The following FERRY3 variants were observed in gnomAD, a reference collection of about 807,000 sequenced individuals.
The protein encoded by FERRY3 is FERRY endosomal RAB5 effector complex subunit 3.
the FERRY3 span, among the ~76,000 whole-genome samples, chr12:4,503,751 C>T: frequency 6.6e-6 from 1 of 151,998 alleles, no homozygotes; most frequent in African/African-American, 2.4e-5. Flanking sequence ...TAAGGGTCAT[C>T]AGAGTGAATT....
chr12:4,523,445 C>T, the FERRY3 span, among the ~76,000 whole-genome samples: 2 of 152,168 alleles, frequency 1.3e-5, no homozygotes, highest in Non-Finnish European at 2.9e-5. Flanking sequence ...TTTGACCCGG[C>T]CATCCCATTA....
the FERRY3 span, among the ~76,000 whole-genome samples, chr12:4,521,969 T>C: frequency 1.3e-5 from 2 of 152,194 alleles, no homozygotes; most frequent in Non-Finnish European, 2.9e-5. Flanking sequence ...CTACTCTGTA[T>C]GGTACTATAA....
chr12:4,501,888 G>A, the FERRY3 span, among the ~76,000 whole-genome samples: 1 of 152,140 alleles, frequency 6.6e-6, no homozygotes, highest in African/African-American at 2.4e-5. Flanking sequence ...AAACGTTGGG[G>A]ACCACTAGTC....
chr12:4,510,345 C>T, the FERRY3 span, among the ~76,000 whole-genome samples: 1 of 136,788 alleles, frequency 7.3e-6, no homozygotes, highest in African/African-American at 2.9e-5. Context: ...AGGAGAACTT[C>T]CCCAATCTAG....
the FERRY3 span, among the ~76,000 whole-genome samples, chr12:4,516,419 G>T: frequency 1.3e-4 from 20 of 152,242 alleles, no homozygotes; most frequent in African/African-American, 4.8e-4. Flanking sequence ...GCACACGCAT[G>T]GTCTTCGCAG....
the FERRY3 span, among the ~76,000 whole-genome samples, chr12:4,513,138 ACAATTGCTT>A: frequency 1.7e-5 from 1 of 60,362 alleles, no homozygotes; most frequent in Non-Finnish European, 3.1e-5. Flanking sequence ...ACTCCCATTC[ACAATTGCTT>A]CAAAGAGAAT....
the FERRY3 span, chr12:4,500,387 C>A: frequency 6.6e-7 from 1 of 1,521,428 alleles, no homozygotes; most frequent in South Asian, 1.1e-5. Flanking sequence ...CTAAGTAAGT[C>A]ACATTCATCA....
At chr12:4,518,733 G>A in the FERRY3 span, 2 of 1,109,158 alleles carry the variant, frequency 1.8e-6, no homozygotes. Context: ...AGTTTCAGAA[G>A]TTACAATAAA....
chr12:4,509,625 C>G, the FERRY3 span, among the ~76,000 whole-genome samples: 24 of 143,448 alleles, frequency 1.7e-4, no homozygotes, highest in East Asian at 4.6e-3. Context: ...GAGGCACCCC[C>G]CGGCAGGGGT....
chr12:4,515,095 G>T, the FERRY3 span, among the ~76,000 whole-genome samples: 19 of 151,472 alleles, frequency 1.3e-4, no homozygotes, highest in East Asian at 1.2e-3. Context: ...AATAAATAAA[G>T]AATAAAATAA....
chr12:4,507,862 C>G, the FERRY3 span, among the ~76,000 whole-genome samples: 3 of 152,126 alleles, frequency 2.0e-5, no homozygotes, highest in Non-Finnish European at 4.4e-5. Context: ...CATACACTTG[C>G]TTACACATAC....
chr12:4,491,602 A>C, the FERRY3 span, among the ~76,000 whole-genome samples: 2 of 152,228 alleles, frequency 1.3e-5, no homozygotes, highest in African/African-American at 4.8e-5. Context: ...AAATGTTTTT[A>C]CTGTATAATA....
At chr12:4,528,401 T>TAAAGA in the FERRY3 span, among the ~76,000 whole-genome samples, 2 of 152,126 alleles carry the variant, frequency 1.3e-5, no homozygotes, top group Admixed American at 1.3e-4. Flanking sequence ...GGCTACATAA[T>TAAAGA]AAAGAACTAG....
chr12:4,509,880 G>A, the FERRY3 span, among the ~76,000 whole-genome samples: 7 of 140,176 alleles, frequency 5.0e-5, no homozygotes, highest in African/African-American at 1.2e-4. Flanking sequence ...CACCAGCAAT[G>A]GAACAAAGCT....
At chr12:4,514,147 CTCA>C in the FERRY3 span, among the ~76,000 whole-genome samples, 12 of 151,650 alleles carry the variant, frequency 7.9e-5, no homozygotes. Flanking sequence ...TGAAAAAATG[CTCA>C]TCATTACTGG....
chr12:4,538,220 A>G, the FERRY3 span, among the ~76,000 whole-genome samples: 5 of 152,356 alleles, frequency 3.3e-5, no homozygotes, highest in African/African-American at 9.6e-5. Context: ...AAGGTTTCCC[A>G]TAAGAAAATG....
chr12:4,507,336 T>G, the FERRY3 span, among the ~76,000 whole-genome samples: 1 of 152,170 alleles, frequency 6.6e-6, no homozygotes, highest in African/African-American at 2.4e-5. Flanking sequence ...TACCGAGATT[T>G]TCTGAAAGGT....
chr12:4,520,282 A>G, the FERRY3 span, among the ~76,000 whole-genome samples: 4 of 152,228 alleles, frequency 2.6e-5, no homozygotes, highest in African/African-American at 9.6e-5. Flanking sequence ...TCAAGGGCAC[A>G]GGCAGAAATG....
chr12:4,533,799 AT>A, the FERRY3 span, among the ~76,000 whole-genome samples: 1 of 152,052 alleles, frequency 6.6e-6, no homozygotes, highest in African/African-American at 2.4e-5. Flanking sequence ...ATAGTGAACA[AT>A]TTTTTTTAGT....
Sources: gnomAD v4.1 joint callset for allele counts (sites outside exome capture counted in the v4.1 genomes callset) on GRCh38, gnomAD v4.1.1 for gene constraint, MANE v1.5 for transcripts, NCBI Gene and HGNC (gene_info 2026-07-23, HGNC 2026-07-21) for gene names.